The following RASA1 variants were observed in gnomAD, a reference collection of about 807,000 sequenced individuals.
RASA1 encodes the protein RAS p21 protein activator 1, also known as ras GTPase-activating protein 1.
RASA1 carries 25 observed loss-of-function variants against 132.2 expected under a neutral mutation model. The ratio of observed to expected loss-of-function variants is 0.19; its 90% confidence interval spans 0.14 to 0.26. RASA1 has a LOEUF of 0.26. RASA1 is among the 10% of genes least tolerant of loss of function. The probability of loss-of-function intolerance (pLI) is 1.00; values close to 1 mark genes in which losing one functional copy is unlikely to be tolerated. For synonymous variants in RASA1, 477 were observed against 449.9 expected (o/e 1.06, Z -0.76); for missense variants, 964 against 1,299.2 (o/e 0.74, Z 3.97).
chr5:87,336,254 A>T (rs1256258105), intron 4 of RASA1, among the ~76,000 whole-genome samples: 1 of 152,144 alleles, frequency 6.6e-6, no homozygotes, highest in Non-Finnish European at 1.5e-5. Context: ...ATTAGTGAAT[A>T]TTTTCAAACA....
At chr5:87,375,063 TATTG>T (rs1761229529) in intron 15 of RASA1, 147 bp downstream of exon 15, 2 of 1,138,246 alleles carry the variant, frequency 1.8e-6, no homozygotes, top group South Asian at 1.6e-5. Flanking sequence ...CTTCTTAAAG[TATTG>T]ATTATCAAGA....
At chr5:87,374,753 G>A (rs527706639) in intron 14 of RASA1, 87 bp from the exon 15 acceptor site, 2 of 1,548,704 alleles carry the variant, frequency 1.3e-6, no homozygotes, top group African/African-American at 1.4e-5. Context: ...AGCAGAAATA[G>A]GGGGTTTATT....
intron 1 of RASA1, among the ~76,000 whole-genome samples, chr5:87,278,058 A>G (rs1215074054): frequency 1.3e-5 from 2 of 152,128 alleles, no homozygotes; most frequent in African/African-American, 4.8e-5. Context: ...TAAGGGAAAG[A>G]CTTAGAGATC....
chr5:87,338,671 C>A (rs556881995), intron 5 of RASA1, among the ~76,000 whole-genome samples: 1 of 150,526 alleles, frequency 6.6e-6, no homozygotes, highest in East Asian at 2.0e-4. Context: ...AGTGCCCGGC[C>A]TATTTGTGCT....
intron 20 of RASA1, among the ~76,000 whole-genome samples, chr5:87,382,194 C>A (rs1446653175): frequency 6.6e-6 from 1 of 152,174 alleles, no homozygotes; most frequent in Non-Finnish European, 1.5e-5. Flanking sequence ...TCAGGTGGTA[C>A]ACCCACCTCG....
rs1161195439 is a variant in RASA1, at chr5:87,362,671, G to A, written c.1453G>A (p.Gly485Ser). The change falls in exon 10 of 25, where the codon GGC (glycine) becomes AGC (serine). Residue 485 changes from glycine to serine, a missense_variant and splice_region_variant. Coordinates refer to ENST00000274376, the MANE Select transcript of RASA1 (RefSeq NM_002890.3). Reference sequence around the variant, plus strand: ...TAAGAAAGGTTATCTTCTGAAAAAGGGTAAGTTCAGACTTTTATCATTAAC... The same window carrying A: ...TAAGAAAGGTTATCTTCTGAAAAAGAGTAAGTTCAGACTTTTATCATTAAC... ...IVKKGYLLKK[G>S]KGKRWKNLYF... 3 of 1,605,130 alleles carry A rather than the reference G, an allele frequency of 1.9e-6. No individual in the cohort carries two copies.
At chr5:87,322,918 G>A (rs997000082) in intron 1 of RASA1, among the ~76,000 whole-genome samples, 1 of 152,202 alleles carries the variant, frequency 6.6e-6, no homozygotes, top group African/African-American at 2.4e-5. Context: ...GAAGAGAAGT[G>A]TGAGAGTGTC....
intron 1 of RASA1, among the ~76,000 whole-genome samples, chr5:87,286,607 G>A (rs1195549324): frequency 2.6e-5 from 4 of 151,892 alleles, no homozygotes; most frequent in African/African-American, 9.7e-5. Context: ...CTGGTAGAAA[G>A]CAACTAAATT....
chr5:87,267,944 T>C lies in RASA1; in HGVS notation c.-508T>C. On this transcript the variant is annotated 5_prime_UTR_variant, in exon 1 of 25. Coordinates refer to ENST00000274376, the MANE Select transcript of RASA1 (RefSeq NM_002890.3). The stretch of plus-strand genomic sequence containing the variant: ...GATTTCCTCGTTACCCCGCCCCCCT[T>C]TCTCTTGCCCCCCCACCCCTCTCAT... The C allele has an allele frequency of 3.5e-6, 1 of 282,888 alleles. No individual in the cohort carries two copies. Among genetic ancestry groups the C allele is most frequent in the Non-Finnish European group, 6.4e-6 (1 of 156,446 alleles). 17.5% of individuals were successfully genotyped at this position (282,888 alleles called of 1,614,324 possible).
intron 1 of RASA1, among the ~76,000 whole-genome samples, chr5:87,320,238 T>C (rs1457901036): frequency 1.3e-5 from 2 of 152,228 alleles, no homozygotes; most frequent in African/African-American, 4.8e-5. Context: ...TTCCCACATC[T>C]TCTGTCTTCT....
rs1760838138 is a variant in RASA1, at chr5:87,370,366, TTTAGA to T, written c.1698+471_1698+475del. Among the ~76,000 whole-genome samples the T allele has an allele frequency of 2.0e-5, 3 of 152,226 alleles. No individual in the cohort carries two copies. In the South Asian group the frequency reaches 6.2e-4, roughly 31 times the overall value. On this transcript the variant is annotated intron_variant, in intron 12 of 24. Transcript: ENST00000274376. ...AGCCAAGTCGAGATATAATGTCTAC[TTTAGA>T]TTAGCTATTAATCCATGTGCAGTGT...
intron 12 of RASA1, among the ~76,000 whole-genome samples, chr5:87,370,627 GCC>G (rs1190951918): frequency 3.3e-5 from 5 of 152,184 alleles, no homozygotes; most frequent in Admixed American, 3.3e-4. Context: ...GACACTGTAA[GCC>G]AGCCTAGGCA....
chr5:87,268,540 A>G lies in RASA1; in HGVS notation c.89A>G (p.Tyr30Cys), dbSNP rs376663338. ...GGGAAAGSSAYPAVCRVKIPA... is the reference protein window; with the variant it reads ...GGGAAAGSSACPAVCRVKIPA... ...GGCGCGGCAGCGGGCTCCAGTGCCT[A>G]TCCCGCAGTGTGTCGGGTGAAGATA... The change falls in exon 1 of 25, where the codon TAT becomes TGT. Residue 30 changes from tyrosine (Y) to cysteine (C), a missense_variant. By Grantham distance (194) the Tyr-to-Cys change is radical (BLOSUM62 -2). This residue lies in a region of RASA1 where 326 missense variants were observed against 275.8 expected (regional missense o/e 1.18). Coordinates refer to ENST00000274376, the MANE Select transcript of RASA1 (RefSeq NM_002890.3). The G allele has an allele frequency of 6.9e-6, 11 of 1,598,670 alleles. No homozygotes were observed. The African/African-American group carries it at 1.3e-4, about 19-fold the overall frequency.
At chr5:87,285,105 G>T (rs775969887) in intron 1 of RASA1, among the ~76,000 whole-genome samples, 17 of 150,406 alleles carry the variant, frequency 1.1e-4, no homozygotes, top group Non-Finnish European at 2.2e-4. Context: ...GTCTTGTTCT[G>T]TCGCCAGGCT....
rs368043768 is a variant in RASA1, at chr5:87,389,340, CAA to C, written c.2926-45_2926-44del. 2.9e-3 allele frequency: 4,556 copies of C among 1,581,158 alleles called. 13 individuals carry two copies. The highest frequency in any genetic ancestry group is 3.4e-3 in the Non-Finnish European group (3,911 of 1,156,474). ...GAGCGAAACTCTGTCTCAAAAAAAA[CAA>C]AAAAAAAGAAGATTTGTATTTCTAA... On this transcript the variant is annotated intron_variant, in intron 23 of 24. Coordinates refer to ENST00000274376, the MANE Select transcript of RASA1 (RefSeq NM_002890.3).
intron 1 of RASA1, among the ~76,000 whole-genome samples, chr5:87,322,605 A>T (rs1291421679): frequency 6.6e-6 from 1 of 151,994 alleles, no homozygotes; most frequent in African/African-American, 2.4e-5. Flanking sequence ...TGCCATGAGT[A>T]AAAGCTTCCT....
intron 5 of RASA1, among the ~76,000 whole-genome samples, chr5:87,339,419 G>A (rs937103278): frequency 1.3e-5 from 2 of 152,144 alleles, no homozygotes; most frequent in African/African-American, 4.8e-5. Context: ...TCGTACTGAA[G>A]CATCTTACTA....
chr5:87,305,353 C>G (rs2112293157), intron 1 of RASA1, among the ~76,000 whole-genome samples: 1 of 152,218 alleles, frequency 6.6e-6, no homozygotes, highest in African/African-American at 2.4e-5. Context: ...CTCACACCTA[C>G]AACTATCTGA....
At chr5:87,360,168 C>T (rs1759974312) in intron 9 of RASA1, among the ~76,000 whole-genome samples, 1 of 139,700 alleles carries the variant, frequency 7.2e-6, no homozygotes. Context: ...CTTTTTTGCT[C>T]AGGCTTGGAG....
Sources: gnomAD v4.1 joint callset for allele counts (sites outside exome capture counted in the v4.1 genomes callset) on GRCh38, gnomAD v4.1.1 for gene constraint, gnomAD v4.1.1 regional missense constraint, MANE v1.5 for transcripts, NCBI Gene and HGNC (gene_info 2026-07-23, HGNC 2026-07-21) for gene names.